CFAP70: variants seen among roughly 807,000 people sequenced by gnomAD.
CFAP70 encodes cilia and flagella associated protein 70.
Under a neutral mutation model 137.6 loss-of-function variants are expected in CFAP70, and 81 were observed. That is an observed-to-expected ratio of 0.59 (90% CI 0.49 to 0.71). The LOEUF (loss-of-function observed/expected upper bound fraction) is 0.71. Ranked by LOEUF, CFAP70 falls within the 30% of genes least tolerant of loss-of-function variation. The pLI is 0.00. For missense variants in CFAP70, 976 were observed against 1,226.7 expected, an observed-to-expected ratio of 0.80 and a Z score of 3.05; for synonymous variants, 382 against 423.6, an observed-to-expected ratio of 0.90 and a Z score of 1.20.
exon 10 of CFAP70, chr10:73,312,588 T>C: frequency 6.2e-7 from 1 of 1,610,762 alleles, no homozygotes; most frequent in South Asian, 1.1e-5. Flanking sequence ...TCCTATTTTA[T>C]TATTATGAAT....
chr10:73,342,705 C>T (rs77084730), intron 5 of CFAP70, among the ~76,000 whole-genome samples: 6,732 of 152,162 alleles, frequency 0.044, 462 homozygotes, highest in African/African-American at 0.15. Flanking sequence ...GCAACAAACA[C>T]AACAAACTAG....
intron 19 of CFAP70, among the ~76,000 whole-genome samples, chr10:73,289,355 G>A (rs1316848517): frequency 6.6e-6 from 1 of 151,762 alleles, no homozygotes; most frequent in Non-Finnish European, 1.5e-5. Flanking sequence ...GTGCGGTTTT[G>A]GCTCACTGCA....
chr10:73,295,042 A>T (rs915992048), intron 15 of CFAP70: 8 of 152,228 alleles, frequency 5.3e-5, no homozygotes, highest in Admixed American at 2.0e-4. Flanking sequence ...CCAGGCCAGG[A>T]GCGGGTGGCT....
At chr10:73,286,022 C>T (rs78176230) in intron 19 of CFAP70, among the ~76,000 whole-genome samples, 3,415 of 152,154 alleles carry the variant, frequency 0.022, 113 homozygotes, top group African/African-American at 0.072. Flanking sequence ...GATTGACTCT[C>T]AAGGATGTGT....
In CFAP70 at chr10:73,291,852, C is replaced by G. The variant is rs201987141; in HGVS notation, c.1904+29G>C. 659 of 1,613,860 alleles carry G rather than the reference C, an allele frequency of 4.1e-4. No individual in the cohort carries two copies. The African/African-American group carries it at 7.9e-3, about 19-fold the overall frequency. Reference sequence around the variant, plus strand: ...GTAGAAACTTATCTGTTCCTTCCCACTGATTCCTCATCTCCCTTCCACCTA... The same window carrying G: ...GTAGAAACTTATCTGTTCCTTCCCAGTGATTCCTCATCTCCCTTCCACCTA... On this transcript the variant is annotated intron_variant, in intron 17 of 26. Transcript: ENST00000310715.
At chr10:73,315,288 G>T (rs2132129149) in intron 9 of CFAP70, among the ~76,000 whole-genome samples, 1 of 150,572 alleles carries the variant, frequency 6.6e-6, no homozygotes, top group South Asian at 2.1e-4. Context: ...TAAAGAGCAT[G>T]ATTCAGTGAT....
At chr10:73,286,263 TG>T (rs1010338993) in intron 19 of CFAP70, among the ~76,000 whole-genome samples, 8 of 152,084 alleles carry the variant, frequency 5.3e-5, no homozygotes, top group African/African-American at 1.9e-4. Context: ...GCGAACATGG[TG>T]AAACCCCGTC....
intron 16 of CFAP70, 36 bp from the exon 18 acceptor site, chr10:73,292,050 A>G (rs2048215514): frequency 1.2e-6 from 2 of 1,610,282 alleles, no homozygotes; most frequent in Non-Finnish European, 8.5e-7. Flanking sequence ...TTGTGATACT[A>G]TGTCCTATTT....
chr10:73,294,146 C>T (rs947523357), intron 15 of CFAP70: 1 of 152,106 alleles, frequency 6.6e-6, no homozygotes, highest in Non-Finnish European at 1.5e-5. Context: ...ATACTTTTGT[C>T]CTGTTCTTTT....
exon 15 of CFAP70, chr10:73,297,082 T>C (rs754862818): frequency 5.0e-6 from 8 of 1,613,778 alleles, no homozygotes; most frequent in South Asian, 3.3e-5. Context: ...TAAGAACACA[T>C]AGAGCTCACT....
At position 73,297,881 on chromosome 10, in the gene CFAP70, G is replaced by A. The variant is rs1381625171; in HGVS notation, c.1513-708C>T. ...TTAGGTAAAGAAACTGAGGCACAGA[G>A]AGATAAAGTCACGTTTCAAGGTCAC... On this transcript the variant is annotated intron_variant, in intron 14 of 26. Transcript: ENST00000310715. Among the ~76,000 whole-genome samples, 3 of 152,174 alleles carry A rather than the reference G, an allele frequency of 2.0e-5. No individual in the cohort carries two copies. The East Asian group carries it at 5.8e-4, about 29-fold the overall frequency.
At chr10:73,310,326 C>T in intron 11 of CFAP70, 77 bp from the exon 13 acceptor site, 1 of 945,322 alleles carries the variant, frequency 1.1e-6, no homozygotes, top group Admixed American at 2.0e-5. Flanking sequence ...AGATGATGCT[C>T]ACAATATAAT....
chr10:73,335,452 G>C, exon 7 of CFAP70: 1 of 1,610,354 alleles, frequency 6.2e-7, no homozygotes, highest in East Asian at 2.2e-5. Context: ...GAAGGATCAA[G>C]GTAGCAGCGA....
intron 11 of CFAP70, among the ~76,000 whole-genome samples, chr10:73,311,360 A>G (rs1041242485): frequency 1.3e-5 from 2 of 152,140 alleles, no homozygotes; most frequent in Non-Finnish European, 2.9e-5. Flanking sequence ...CTTAGTATGG[A>G]TATCACCTCC....
rs7080174 is a variant in CFAP70 at position 73,316,481 on chromosome 10, G to T, written c.913-3838C>A. 1.9e-3 allele frequency among the ~76,000 whole-genome samples: 200 copies of T among 106,416 alleles called. 6 individuals are homozygous for T. Among genetic ancestry groups the T allele is most frequent in the African/African-American group, 4.9e-3 (136 of 28,014 alleles). The allele number at this position is 106,416 out of a possible 152,430, so 69.8% of individuals were successfully genotyped here. A position where few individuals can be genotyped will look rare whatever the true frequency, so the allele number is the denominator to read the frequency against. ...TTGTTGAGATATATATATATATATA[G>T]ATATAGATATATATATATATATATA... is the stretch of plus-strand genomic sequence containing the variant. On this transcript the variant is annotated intron_variant, in intron 9 of 26. Coordinates refer to ENST00000310715, the Ensembl canonical transcript of CFAP70.
At chr10:73,336,012 G>T (rs2052618844) in intron 6 of CFAP70, among the ~76,000 whole-genome samples, 1 of 151,762 alleles carries the variant, frequency 6.6e-6, no homozygotes, top group African/African-American at 2.4e-5. Flanking sequence ...GTGGTGGCAT[G>T]AGCCTGTGGT....
intron 9 of CFAP70, among the ~76,000 whole-genome samples, chr10:73,321,405 G>C (rs147120408): frequency 6.6e-6 from 1 of 152,048 alleles, no homozygotes; most frequent in Admixed American, 6.6e-5. Context: ...GCAACACAGC[G>C]AGACTCCATC....
At chr10:73,272,902 C>T in intron 24 of CFAP70, 26 bp downstream of exon 25, 1 of 1,545,744 alleles carries the variant, frequency 6.5e-7, no homozygotes, top group Admixed American at 2.0e-5. Flanking sequence ...ATCCACAGCC[C>T]TAGTCTCAAG....
At chr10:73,276,738 T>C (rs575507684) in intron 21 of CFAP70, 1 of 152,376 alleles carries the variant, frequency 6.6e-6, no homozygotes, top group South Asian at 2.1e-4. Flanking sequence ...ATGCTCTTCT[T>C]CTCTGAGAGG....
Sources: gnomAD v4.1 joint callset for allele counts (sites outside exome capture counted in the v4.1 genomes callset) on GRCh38, gnomAD v4.1.1 for gene constraint, MANE v1.5 for transcripts, NCBI Gene and HGNC (gene_info 2026-07-23, HGNC 2026-07-21) for gene names.